Variants in CRYM observed in about 807,000 individuals in gnomAD.
CRYM encodes the protein ketimine reductase mu-crystallin.
A neutral mutation model predicts 32.9 loss-of-function variants in CRYM; 18 were observed. That is an observed-to-expected ratio of 0.55 (90% CI 0.38 to 0.81). CRYM has a LOEUF of 0.81. Among genes scored for constraint, CRYM ranks in the 30% least tolerant of loss-of-function variants. The pLI, the probability that CRYM is intolerant of heterozygous loss-of-function variation, is 0.00. For synonymous variants in CRYM, 153 were observed against 152.4 expected, an observed-to-expected ratio of 1.00 and a Z score of -0.03; for missense variants, 337 against 393.5, an observed-to-expected ratio of 0.86 and a Z score of 1.21.
At chr16:21,298,338 A>T (rs1411386855) in intron 1 of CRYM, among the ~76,000 whole-genome samples, 2 of 152,256 alleles carry the variant, frequency 1.3e-5, no homozygotes, top group Non-Finnish European at 2.9e-5. Context: ...AGATACGTAA[A>T]ATAATATTCA....
At chr16:21,283,613 G>A (rs1207900378) in intron 1 of CRYM, 1 of 150,880 alleles carries the variant, frequency 6.6e-6, no homozygotes, top group South Asian at 2.1e-4. Flanking sequence ...AACGGATGAA[G>A]TATCTCGGAA....
rs1169743628 is a variant in CRYM, at chr16:21,278,018, T to C, written c.170+64A>G. ...TCTTCCCTTCTCCCACCCCTCCTCT[T>C]CCTGCTCCTCCTTTCCCCGCTTTCC... On this transcript the variant is annotated intron_variant, in intron 1 of 7. Transcript: ENST00000572914. 8 of 1,497,660 alleles carry C rather than the reference T, an allele frequency of 5.3e-6. No homozygotes were observed. The Admixed American group carries it at 1.4e-4, about 26-fold the overall frequency. 92.8% of individuals were successfully genotyped at this position (1,497,660 alleles called of 1,614,324 possible).
chr16:21,291,194 T>C (rs935082118), intron 1 of CRYM, among the ~76,000 whole-genome samples: 3 of 152,178 alleles, frequency 2.0e-5, no homozygotes, highest in African/African-American at 7.2e-5. Flanking sequence ...ATAATACTTT[T>C]AAAAACTTTC....
intron 1 of CRYM, among the ~76,000 whole-genome samples, chr16:21,295,159 T>C (rs1396876080): frequency 2.0e-5 from 3 of 152,214 alleles, no homozygotes; most frequent in Admixed American, 6.5e-5. Flanking sequence ...AGTAGAATGA[T>C]GTGTATTCCT....
upstream of CRYM, among the ~76,000 whole-genome samples, chr16:21,281,115 T>A (rs562091854): frequency 5.7e-4 from 46 of 80,544 alleles, no homozygotes; most frequent in African/African-American, 2.1e-3. Flanking sequence ...TCTCACTCTC[T>A]CTCTCTCTCT....
At chr16:21,299,634 G>T (rs1383328492) in intron 1 of CRYM, among the ~76,000 whole-genome samples, 1 of 152,198 alleles carries the variant, frequency 6.6e-6, no homozygotes, top group African/African-American at 2.4e-5. Context: ...GAAGGCTCAG[G>T]TGTTTTACAT....
At chr16:21,271,222 G>A (rs1210597052) in intron 3 of CRYM, among the ~76,000 whole-genome samples, 1 of 152,120 alleles carries the variant, frequency 6.6e-6, no homozygotes, top group African/African-American at 2.4e-5. Context: ...CAAGTTGTGG[G>A]AACTAAAAAC....
In CRYM at chr16:21,288,651, G is replaced by A. The variant is rs945149997; in HGVS notation, c.-192-9691C>T. 3.2e-4 allele frequency among the ~76,000 whole-genome samples: 48 copies of A among 151,902 alleles called. 1 individual carries two copies. Among genetic ancestry groups the A allele is most frequent in the Admixed American group, 2.9e-3 (44 of 15,264 alleles). The stretch of plus-strand genomic sequence containing the variant: ...TCTTTATTATTTCCTGCCTTCCACC[G>A]GCTTTGGGTTTGGTTTGCTCTTCTT... On this transcript the variant is annotated intron_variant, in intron 1 of 9. Coordinates refer to the CRYM transcript ENST00000219599.
intron 4 of CRYM, chr16:21,268,827 T>C (rs1233442265): frequency 6.6e-6 from 1 of 152,130 alleles, no homozygotes; most frequent in East Asian, 1.9e-4. Flanking sequence ...AGGGCATTTT[T>C]CTTTTGTTTT....
intron 5 of CRYM, chr16:21,262,463 CA>C: frequency 2.8e-6 from 1 of 360,908 alleles, no homozygotes; most frequent in East Asian, 7.1e-5. Flanking sequence ...ACTAAAAATA[CA>C]AAAAATTATC....
intron 3 of CRYM, among the ~76,000 whole-genome samples, chr16:21,275,031 G>A (rs1360021325): frequency 6.6e-6 from 1 of 152,190 alleles, no homozygotes; most frequent in Non-Finnish European, 1.5e-5. Flanking sequence ...AATACTTGTC[G>A]AATGAATACA....
intron 1 of CRYM, chr16:21,284,190 G>C (rs1284658374): frequency 1.3e-5 from 2 of 151,942 alleles, no homozygotes; most frequent in East Asian, 3.9e-4. Flanking sequence ...GGGTTTGAGC[G>C]GTGTAGTCAA....
intron 4 of CRYM, 24 bp downstream of exon 4, chr16:21,269,766 T>TCCCCCCCCCCCCCCCCCCCCCCCCCC: frequency 1.4e-6 from 1 of 690,476 alleles, no homozygotes; most frequent in Non-Finnish European, 2.6e-6. Flanking sequence ...CCCTCTTCTC[T>TCCCCCCCCCCCCCCCCCCCCCCCCCC]CCCACCCCCA....
At chr16:21,264,435 G>C (rs1418887988) in intron 5 of CRYM, among the ~76,000 whole-genome samples, 2 of 152,168 alleles carry the variant, frequency 1.3e-5, no homozygotes, top group Non-Finnish European at 2.9e-5. Context: ...ACTCAAACAA[G>C]GCTCTGGCTT....
upstream of CRYM, among the ~76,000 whole-genome samples, chr16:21,280,382 C>T (rs1036558462): frequency 6.6e-6 from 1 of 152,062 alleles, no homozygotes; most frequent in East Asian, 1.9e-4. Context: ...TTTTTTGGCC[C>T]TTTGTTTTTG....
intron 5 of CRYM, among the ~76,000 whole-genome samples, chr16:21,264,110 C>T (rs571159045): frequency 6.6e-6 from 1 of 152,322 alleles, no homozygotes; most frequent in South Asian, 2.1e-4. Flanking sequence ...CTTCCACTGC[C>T]GCCCCGTTTT....
At chr16:21,260,584 G>A (rs923213968) in intron 7 of CRYM, among the ~76,000 whole-genome samples, 1 of 152,146 alleles carries the variant, frequency 6.6e-6, no homozygotes, top group Non-Finnish European at 1.5e-5. Context: ...ACAGGCGTGA[G>A]CCACCGAGCT....
chr16:21,274,269 C>G (rs960899921), intron 3 of CRYM, among the ~76,000 whole-genome samples: 9 of 152,184 alleles, frequency 5.9e-5, no homozygotes, highest in Non-Finnish European at 1.2e-4. Context: ...CATCATCACC[C>G]CCATTGCTTA....
At chr16:21,281,217 T>C (rs993533881), upstream of CRYM, among the ~76,000 whole-genome samples, 1 of 151,370 alleles carries the variant, frequency 6.6e-6, no homozygotes, top group Non-Finnish European at 1.5e-5. Context: ...TATGTATCTA[T>C]GTATCTATAT....
Sources: gnomAD v4.1 joint callset for allele counts (sites outside exome capture counted in the v4.1 genomes callset) on GRCh38, gnomAD v4.1.1 for gene constraint, MANE v1.5 for transcripts, NCBI Gene and HGNC (gene_info 2026-07-23, HGNC 2026-07-21) for gene names.